The following KIF11 variants were observed in gnomAD, a reference collection of about 807,000 sequenced individuals.
KIF11 encodes the protein kinesin-like protein KIF11.
In KIF11, 9 loss-of-function variants were observed where a neutral mutation model predicts 121.0. The ratio of observed to expected loss-of-function variants is 0.07; its 90% CI spans 0.04 to 0.13. The LOEUF is 0.13. Ranked by LOEUF, KIF11 falls within the 10% of genes least tolerant of loss-of-function variation. KIF11 has a pLI of 1.00. For missense variants in KIF11, 846 were observed against 1,217.5 expected (o/e 0.69, Z 4.54); for synonymous variants, 408 against 421.0 (o/e 0.97, Z 0.38).
chr10:92,627,775 A>C (rs879522957), intron 10 of KIF11, among the ~76,000 whole-genome samples: 2 of 152,114 alleles, frequency 1.3e-5, no homozygotes, highest in African/African-American at 4.8e-5. Context: ...CTTCCATCAG[A>C]TATCATTCTT....
chr10:92,636,353 C>T (rs905027455), intron 14 of KIF11, among the ~76,000 whole-genome samples: 6 of 152,066 alleles, frequency 3.9e-5, no homozygotes, highest in South Asian at 2.1e-4. Context: ...TGGCTGGGTG[C>T]GGTGGCTCAT....
intron 1 of KIF11, among the ~76,000 whole-genome samples, chr10:92,605,554 T>G (rs1412371221): frequency 6.7e-6 from 1 of 149,046 alleles, no homozygotes; most frequent in African/African-American, 2.5e-5. Flanking sequence ...TGGCGCGATC[T>G]TGGCTCACCG....
chr10:92,651,961 CTT>C (rs36000362), intron 21 of KIF11, among the ~76,000 whole-genome samples: 7,405 of 102,454 alleles, frequency 0.072, 542 homozygotes, highest in African/African-American at 0.2. Flanking sequence ...ATGCTTGTAC[CTT>C]TTTTTTTTTT....
chr10:92,643,746 G>A (rs989538603), intron 17 of KIF11, among the ~76,000 whole-genome samples: 2 of 151,252 alleles, frequency 1.3e-5, no homozygotes, highest in Non-Finnish European at 3.0e-5. Context: ...TAGTAGAGAC[G>A]GGGGTTTCAC....
chr10:92,593,578 C>A, intron 1 of KIF11, 126 bp downstream of exon 1: 1 of 765,044 alleles, frequency 1.3e-6, no homozygotes, highest in Non-Finnish European at 2.1e-6. Context: ...TCTCCGCGTT[C>A]TGTTCAATAA....
intron 10 of KIF11, among the ~76,000 whole-genome samples, chr10:92,626,010 A>G (rs1022141042): frequency 5.3e-5 from 8 of 152,196 alleles, no homozygotes; most frequent in East Asian, 1.9e-4. Flanking sequence ...ACCCAAAGCT[A>G]TTTACAGATT....
At chr10:92,649,708 T>TC in intron 19 of KIF11, 127 bp from the exon 20 acceptor site, 1 of 607,616 alleles carries the variant, frequency 1.6e-6, no homozygotes, top group Non-Finnish European at 2.9e-6. Flanking sequence ...GCAAGACTGA[T>TC]CCTCATATAT....
chr10:92,634,244 A>C (rs545403141), intron 14 of KIF11, among the ~76,000 whole-genome samples: 1 of 151,910 alleles, frequency 6.6e-6, no homozygotes, highest in African/African-American at 2.4e-5. Context: ...CGGCCTCCCA[A>C]AGTGCTGGGA....
At chr10:92,601,124 C>T (rs1240037753) in intron 1 of KIF11, among the ~76,000 whole-genome samples, 2 of 152,148 alleles carry the variant, frequency 1.3e-5, no homozygotes, top group Non-Finnish European at 2.9e-5. Flanking sequence ...TCCCAAAGTG[C>T]TGGGATTACA....
chr10:92,622,840 C>A (rs1024201542), intron 10 of KIF11, among the ~76,000 whole-genome samples: 8 of 151,700 alleles, frequency 5.3e-5, no homozygotes, highest in Non-Finnish European at 1.2e-4. Flanking sequence ...AGGAAACTTA[C>A]AATCCTGGTA....
chr10:92,647,632 C>T (rs972738131), intron 18 of KIF11, among the ~76,000 whole-genome samples: 1 of 152,144 alleles, frequency 6.6e-6, no homozygotes, highest in Admixed American at 6.6e-5. Flanking sequence ...CTTAGAGATA[C>T]ATGCTGAAGT....
chr10:92,605,328 A>G (rs1844416711), intron 1 of KIF11, among the ~76,000 whole-genome samples: 1 of 152,184 alleles, frequency 6.6e-6, no homozygotes, highest in Non-Finnish European at 1.5e-5. Context: ...AAGCACTTGA[A>G]ACAATAAGTA....
At chr10:92,611,570 T>C (rs1384856869) in intron 6 of KIF11, among the ~76,000 whole-genome samples, 2 of 152,050 alleles carry the variant, frequency 1.3e-5, no homozygotes, top group Non-Finnish European at 2.9e-5. Context: ...TCTTCCTCCT[T>C]TTCTGTAATT....
chr10:92,646,536 G>A (rs1456279627), intron 18 of KIF11, among the ~76,000 whole-genome samples: 1 of 152,120 alleles, frequency 6.6e-6, no homozygotes, highest in Non-Finnish European at 1.5e-5. Context: ...TTTCAGATTT[G>A]TGATAGGAAA....
chr10:92,605,241 T>A (rs143962705), intron 1 of KIF11, among the ~76,000 whole-genome samples: 1 of 152,140 alleles, frequency 6.6e-6, no homozygotes, highest in African/African-American at 2.4e-5. Context: ...CTGTGTCTAT[T>A]CACTCATTTA....
In KIF11 at chr10:92,613,392, A is replaced by T. The variant is rs753147496; in HGVS notation, c.805A>T (p.Ser269Cys). 1 of 1,607,256 alleles carries T rather than the reference A, an allele frequency of 6.2e-7. No homozygotes were observed. The highest frequency in any genetic ancestry group is 2.2e-5 in the East Asian group (1 of 44,828). The change falls in exon 8 of 22, where the codon AGT becomes TGT. Residue 269 changes from serine to cysteine, a missense_variant. Ser to Cys is a moderately radical substitution (Grantham distance 112). Around this residue, in one of 5 missense-constraint regions of KIF11, gnomAD observed 116 missense variants for 285.3 expected, o/e 0.41. Coordinates refer to ENST00000260731, the MANE Select transcript of KIF11 (RefSeq NM_004523.4). The surrounding 1 kb of genome is among the most constrained non-coding windows in gnomAD (Gnocchi z 4.2). ...GKLNLVDLAG[S>C]ENIGRSGAVD... Reference sequence around the variant, plus strand: ...AAAATTAAAGGTTGATCTTGCAGGAAGTGAAAACATTGGCCGTTCTGGAGC... The same window carrying T: ...AAAATTAAAGGTTGATCTTGCAGGATGTGAAAACATTGGCCGTTCTGGAGC...
chr10:92,616,177 T>C (rs1844555528), intron 8 of KIF11, among the ~76,000 whole-genome samples: 1 of 151,814 alleles, frequency 6.6e-6, no homozygotes, highest in South Asian at 2.1e-4. Flanking sequence ...GGTAGATTGA[T>C]TGAGCTTTGT....
intron 4 of KIF11, among the ~76,000 whole-genome samples, chr10:92,608,240 T>C (rs1231872943): frequency 6.6e-6 from 1 of 151,588 alleles, no homozygotes; most frequent in African/African-American, 2.4e-5. Flanking sequence ...GCCTCCTGAG[T>C]AGCTGGGATT....
At chr10:92,641,697 T>C (rs1056672823) in intron 17 of KIF11, among the ~76,000 whole-genome samples, 21 of 152,238 alleles carry the variant, frequency 1.4e-4, no homozygotes, top group African/African-American at 4.8e-4. Context: ...TCACCAAAAC[T>C]TGGGAAATTT....
Sources: gnomAD v4.1 joint callset for allele counts (sites outside exome capture counted in the v4.1 genomes callset) on GRCh38, gnomAD v4.1.1 for gene constraint, gnomAD v4.1.1 regional missense constraint, Gnocchi (gnomAD v3.1) non-coding constraint, MANE v1.5 for transcripts, NCBI Gene and HGNC (gene_info 2026-07-23, HGNC 2026-07-21) for gene names.